ARHGAP31: variants seen among roughly 807,000 people sequenced by gnomAD.
The protein encoded by ARHGAP31 is rho GTPase-activating protein 31.
Under a neutral mutation model 113.9 loss-of-function variants are expected in ARHGAP31, and 34 were observed. The ratio of observed to expected loss-of-function variants is 0.30; its 90% CI spans 0.23 to 0.40. ARHGAP31 has a LOEUF of 0.40. Among genes scored for constraint, ARHGAP31 ranks in the 10% least tolerant of loss-of-function variants. ARHGAP31 has a pLI of 1.00. For synonymous variants in ARHGAP31, 650 were observed against 684.8 expected, an observed-to-expected ratio of 0.95 and a Z score of 0.79; for missense variants, 1,548 against 1,767.1, an observed-to-expected ratio of 0.88 and a Z score of 2.22.
chr3:119,358,325 T>G (rs2080176646), intron 1 of ARHGAP31, among the ~76,000 whole-genome samples: 1 of 152,102 alleles, frequency 6.6e-6, no homozygotes, highest in African/African-American at 2.4e-5. Context: ...ACTACTAGGA[T>G]GACAATAAAA....
At chr3:119,383,651 G>C (rs2080422830) in intron 6 of ARHGAP31, among the ~76,000 whole-genome samples, 1 of 152,160 alleles carries the variant, frequency 6.6e-6, no homozygotes, top group African/African-American at 2.4e-5. Context: ...TGAAGTCTTA[G>C]AGGAACAAGT....
chr3:119,340,497 A>G (rs1294101304), intron 1 of ARHGAP31, among the ~76,000 whole-genome samples: 1 of 152,224 alleles, frequency 6.6e-6, no homozygotes, highest in African/African-American at 2.4e-5. Context: ...GAGTAGCTCA[A>G]GTGTCTTTGA....
chr3:119,404,387 G>A (rs2080642640), intron 10 of ARHGAP31, among the ~76,000 whole-genome samples: 1 of 152,160 alleles, frequency 6.6e-6, no homozygotes, highest in Non-Finnish European at 1.5e-5. Context: ...TGGGCAGTCA[G>A]GGCAGAAAGA....
chr3:119,406,384 C>G (rs571929344), intron 10 of ARHGAP31, among the ~76,000 whole-genome samples: 1 of 152,252 alleles, frequency 6.6e-6, no homozygotes, highest in Admixed American at 6.5e-5. Flanking sequence ...CCCTTTCACC[C>G]AAAAGTTTCA....
chr3:119,341,265 C>T (rs892148064), intron 1 of ARHGAP31, among the ~76,000 whole-genome samples: 2 of 152,142 alleles, frequency 1.3e-5, no homozygotes, highest in Non-Finnish European at 2.9e-5. Flanking sequence ...GTGCATCCAA[C>T]TGAGGAAGCC....
rs768157273 is a variant in ARHGAP31, at chr3:119,396,574, G to A, written c.1007-2625G>A. 3.3e-5 allele frequency among the ~76,000 whole-genome samples: 5 copies of A among 152,202 alleles called. No individual in the cohort carries two copies. In the East Asian group the frequency reaches 9.6e-4, roughly 29 times the overall value. Reference sequence around the variant, plus strand: ...AACTTTAGTGGAATCTGTGATTAAAGTTAGGCCATTGAACCCTGTAACAAA... The same window carrying A: ...AACTTTAGTGGAATCTGTGATTAAAATTAGGCCATTGAACCCTGTAACAAA... On this transcript the variant is annotated intron_variant, in intron 8 of 11. Coordinates refer to ENST00000264245, the MANE Select transcript of ARHGAP31 (RefSeq NM_020754.4).
At chr3:119,358,529 T>C (rs949367429) in intron 1 of ARHGAP31, among the ~76,000 whole-genome samples, 1 of 152,192 alleles carries the variant, frequency 6.6e-6, no homozygotes, top group Admixed American at 6.5e-5. Flanking sequence ...CATATATCCA[T>C]ACAAAAACTT....
In ARHGAP31 at chr3:119,394,135, C is replaced by T. The variant is rs1003737761; in HGVS notation, c.1006+544C>T. Among the ~76,000 whole-genome samples, 11 of 152,294 alleles carry T rather than the reference C, an allele frequency of 7.2e-5. No individual in the cohort carries two copies. The South Asian group carries it at 1.9e-3, about 26-fold the overall frequency. ...GTTAGGAATTTTTGCAGAAATCCTA[C>T]AGAAGTGATCCTGTGCCAGACTCAG... On this transcript the variant is annotated intron_variant, in intron 8 of 11. Coordinates refer to ENST00000264245, the MANE Select transcript of ARHGAP31 (RefSeq NM_020754.4).
intron 1 of ARHGAP31, chr3:119,299,111 C>G (rs1431050708): frequency 6.6e-6 from 1 of 152,250 alleles, no homozygotes; most frequent in African/African-American, 2.4e-5. Flanking sequence ...ATTGCTTGCT[C>G]TGGCCCCATG....
chr3:119,374,267 G>A (rs1166949080), intron 3 of ARHGAP31, among the ~76,000 whole-genome samples: 1 of 152,212 alleles, frequency 6.6e-6, no homozygotes, highest in East Asian at 1.9e-4. Context: ...CTTAGTTCAT[G>A]TGAGATCTGC....
At chr3:119,394,659 C>CA (rs142136250) in intron 8 of ARHGAP31, among the ~76,000 whole-genome samples, 13 of 151,294 alleles carry the variant, frequency 8.6e-5, no homozygotes, top group Middle Eastern at 3.4e-3. Flanking sequence ...ACCAAAAAAA[C>CA]AAAAAAAAGA....
chr3:119,294,976 G>T lies in ARHGAP31; in HGVS notation c.72G>T (p.Thr24=). 1.2e-6 allele frequency: 2 copies of T among 1,614,096 alleles called. No homozygotes were observed. The highest frequency in any genetic ancestry group is 1.3e-5 in the African/African-American group (1 of 75,018). Residue 24 remains threonine, a synonymous_variant, in exon 1 of 12, where the codon ACG becomes ACT. Coordinates refer to ENST00000264245, the MANE Select transcript of ARHGAP31 (RefSeq NM_020754.4). ...CCAGCGCGTTTGGCTGTGACCTGACGGAGTATCTGGAAAGCTCGGGACAGG... is the reference window on the plus strand; with the variant it reads ...CCAGCGCGTTTGGCTGTGACCTGACTGAGTATCTGGAAAGCTCGGGACAGG... ...GAASAFGCDL[T]EYLESSGQDV...
chr3:119,325,831 C>G (rs1178986281), intron 1 of ARHGAP31, among the ~76,000 whole-genome samples: 7 of 152,124 alleles, frequency 4.6e-5, no homozygotes, highest in African/African-American at 4.8e-5. Flanking sequence ...TTTTTTGATG[C>G]CTAGCTGTCA....
At chr3:119,353,949 C>T (rs1370415375) in intron 1 of ARHGAP31, among the ~76,000 whole-genome samples, 4 of 152,170 alleles carry the variant, frequency 2.6e-5, no homozygotes, top group Non-Finnish European at 2.9e-5. Context: ...GAAGGAGAAT[C>T]GCTGTCATTG....
intron 1 of ARHGAP31, among the ~76,000 whole-genome samples, chr3:119,337,033 A>G (rs2079957900): frequency 6.6e-6 from 1 of 152,228 alleles, no homozygotes; most frequent in South Asian, 2.1e-4. Flanking sequence ...TGGATATACC[A>G]CAGTTTATCC....
chr3:119,331,725 A>T (rs542566708), intron 1 of ARHGAP31, among the ~76,000 whole-genome samples: 33 of 152,344 alleles, frequency 2.2e-4, no homozygotes, highest in Non-Finnish European at 4.1e-4. Flanking sequence ...TTGATAAAAT[A>T]TGATTTAACA....
chr3:119,380,533 G>A (rs554470389), intron 3 of ARHGAP31, among the ~76,000 whole-genome samples: 1 of 151,992 alleles, frequency 6.6e-6, no homozygotes, highest in Non-Finnish European at 1.5e-5. Context: ...TAACAGGCAT[G>A]CGCCACCATG....
chr3:119,364,226 G>C (rs2080234349), intron 1 of ARHGAP31, among the ~76,000 whole-genome samples: 1 of 144,224 alleles, frequency 6.9e-6, no homozygotes, highest in African/African-American at 2.5e-5. Flanking sequence ...CATGGTTGGG[G>C]GTGGGGGGAT....
At chr3:119,324,970 G>A in intron 1 of ARHGAP31, 1 of 456,686 alleles carries the variant, frequency 2.2e-6, no homozygotes. Flanking sequence ...TAAGCAATAA[G>A]CAGTACTCCT....
Sources: gnomAD v4.1 joint callset for allele counts (sites outside exome capture counted in the v4.1 genomes callset) on GRCh38, gnomAD v4.1.1 for gene constraint, MANE v1.5 for transcripts, NCBI Gene and HGNC (gene_info 2026-07-23, HGNC 2026-07-21) for gene names.